ME2: variants seen among roughly 807,000 people sequenced by gnomAD.
ME2 encodes the protein NAD-dependent malic enzyme, mitochondrial.
A neutral mutation model predicts 73.7 loss-of-function variants in ME2; 60 were observed. The ratio of observed to expected loss-of-function variants is 0.81; its 90% CI spans 0.66 to 1.01. The LOEUF (loss-of-function observed/expected upper bound fraction) is 1.01, where lower values mean the gene tolerates loss of function less well. ME2 is among the 50% of genes least tolerant of loss of function. The pLI, the probability that ME2 is intolerant of heterozygous loss-of-function variation, is 0.00. For missense variants in ME2, 594 were observed against 705.5 expected (o/e 0.84, Z 1.79); for synonymous variants, 199 against 236.9 (o/e 0.84, Z 1.47).
intron 2 of ME2, among the ~76,000 whole-genome samples, chr18:50,899,525 G>C (rs748812860): frequency 6.6e-6 from 1 of 152,170 alleles, no homozygotes; most frequent in Non-Finnish European, 1.5e-5. Flanking sequence ...GCTGAGGTGG[G>C]AGGATCACTT....
intron 1 of ME2, among the ~76,000 whole-genome samples, chr18:50,879,775 A>G (rs1178930741): frequency 2.0e-5 from 3 of 152,184 alleles, no homozygotes; most frequent in Admixed American, 6.5e-5. Context: ...TCCTCCCTTT[A>G]AAAAAAGACT....
At chr18:50,911,673 G>C (rs546805585) in intron 3 of ME2, among the ~76,000 whole-genome samples, 203 of 152,288 alleles carry the variant, frequency 1.3e-3, no homozygotes, top group African/African-American at 2.1e-3. Context: ...GAGAGTGCAG[G>C]CAAATGGTGC....
chr18:50,937,753 TGA>T (rs1917850793), intron 13 of ME2, among the ~76,000 whole-genome samples: 1 of 151,824 alleles, frequency 6.6e-6, no homozygotes, highest in Non-Finnish European at 1.5e-5. Flanking sequence ...AAGAAAAAGA[TGA>T]GTTAAGTCAC....
intron 15 of ME2, chr18:50,942,819 T>C (rs1390845780): frequency 2.8e-5 from 7 of 251,698 alleles, no homozygotes; most frequent in Non-Finnish European, 5.2e-5. Context: ...ATTTTAATAG[T>C]TTTTCATTTC....
At chr18:50,934,196 A>G (rs911255662) in intron 13 of ME2, 6 of 152,198 alleles carry the variant, frequency 3.9e-5, no homozygotes, top group Non-Finnish European at 5.9e-5. Context: ...TATATACCCA[A>G]TAATAGGATT....
intron 10 of ME2, among the ~76,000 whole-genome samples, chr18:50,921,729 A>C (rs1326106540): frequency 6.6e-6 from 1 of 152,144 alleles, no homozygotes; most frequent in Non-Finnish European, 1.5e-5. Context: ...CCGTGAGCAG[A>C]AATTCTTAAC....
chr18:50,895,763 T>A (rs1368178481), intron 1 of ME2, 46 bp from the exon 2 acceptor site: 4 of 1,227,728 alleles, frequency 3.3e-6, no homozygotes, highest in Non-Finnish European at 4.8e-6. Context: ...CATGAAGGCC[T>A]ATAATATGAT....
At chr18:50,901,480 C>T (rs1916888237) in intron 2 of ME2, among the ~76,000 whole-genome samples, 1 of 152,090 alleles carries the variant, frequency 6.6e-6, no homozygotes, top group Non-Finnish European at 1.5e-5. Flanking sequence ...TTGGTTGAAT[C>T]AGAGAGATGA....
At chr18:50,925,340 G>T (rs540626978) in intron 11 of ME2, among the ~76,000 whole-genome samples, 1 of 152,054 alleles carries the variant, frequency 6.6e-6, no homozygotes, top group Non-Finnish European at 1.5e-5. Flanking sequence ...TTAGCCGGGC[G>T]TGGTGGCACA....
chr18:50,949,560 T>C lies in ME2; in HGVS notation c.*2376T>C, dbSNP rs1358744562. The C allele has an allele frequency of 6.6e-6, 1 of 152,218 alleles. No individual in the cohort carries two copies. The highest frequency in any genetic ancestry group is 1.5e-5 in the Non-Finnish European group (1 of 68,044). The allele number at this position is 152,218 out of a possible 1,614,324, so 9.4% of individuals were successfully genotyped here. A position where few individuals can be genotyped will look rare whatever the true frequency, so the allele number is the denominator to read the frequency against. ...CAAAATCACGCCTAAACATACTCTC[T>C]GTGTGAAATCTTGATTTTAGTTCAA... On this transcript the variant is annotated 3_prime_UTR_variant, in exon 16 of 16. Transcript: ENST00000321341.
chr18:50,939,498 C>G (rs1305790200), intron 13 of ME2, 72 bp from the exon 14 acceptor site: 1 of 1,035,066 alleles, frequency 9.7e-7, no homozygotes, highest in African/African-American at 1.6e-5. Context: ...ATTTATTTGC[C>G]TGAATATAGG....
chr18:50,912,140 CAG>C (rs773496447), intron 3 of ME2, among the ~76,000 whole-genome samples: 3 of 152,118 alleles, frequency 2.0e-5, no homozygotes, highest in Non-Finnish European at 4.4e-5. Context: ...GAAACAAGGT[CAG>C]GGGAAAGATA....
intron 3 of ME2, among the ~76,000 whole-genome samples, chr18:50,910,268 CAAAAA>C (rs74176794): frequency 1.1e-4 from 4 of 35,290 alleles, no homozygotes; most frequent in East Asian, 1.0e-3. Flanking sequence ...CCTGTTTCTA[CAAAAA>C]AAAAAAAAAA....
Position 50,903,137 on chromosome 18 carries a change from G to A in ME2, c.109-4926G>A, listed in dbSNP as rs969293064. Among the ~76,000 whole-genome samples the A allele has an allele frequency of 9.2e-5, 14 of 152,280 alleles. No homozygotes were observed. The East Asian group carries it at 2.7e-3, about 29-fold the overall frequency. On this transcript the variant is annotated intron_variant, in intron 2 of 15. Coordinates refer to ENST00000321341, the MANE Select transcript of ME2 (RefSeq NM_002396.5). ...AGGGAGACTTGGGAAAAGTGGCAAAGGGAGATGGAGAAAGTAGGAGAAGAG... is the reference window on the plus strand; with the variant it reads ...AGGGAGACTTGGGAAAAGTGGCAAAAGGAGATGGAGAAAGTAGGAGAAGAG...
At position 50,920,466 on chromosome 18, in the gene ME2, A is replaced by G; in HGVS notation, c.745A>G (p.Asn249Asp). 6.3e-7 allele frequency: 1 copy of G among 1,597,052 alleles called. No individual in the cohort carries two copies. The highest frequency in any genetic ancestry group is 8.5e-7 in the Non-Finnish European group (1 of 1,175,766). Residue 249 changes from asparagine (N) to aspartate (D), a missense_variant, in exon 8 of 16, where the codon AAC becomes GAC. Coordinates refer to ENST00000321341, the MANE Select transcript of ME2 (RefSeq NM_002396.5). ...MKAITDRYGR[N>D]TLIQFEDFGN... is the part of the protein sequence containing the mutation. ...TTTTGCTGTTTTTAGATATGGCCGG[A>G]ACACACTCATTCAGTTCGAAGACTT...
chr18:50,929,575 A>G (rs584788), intron 12 of ME2, among the ~76,000 whole-genome samples: 150,267 of 152,178 alleles, frequency 0.99, 74,201 homozygotes, highest in East Asian at 1. Flanking sequence ...TGACCACTCC[A>G]TTAGTCAAAA....
chr18:50,928,060 C>T (rs1466584915), intron 12 of ME2, among the ~76,000 whole-genome samples: 1 of 151,762 alleles, frequency 6.6e-6, no homozygotes, highest in African/African-American at 2.4e-5. Flanking sequence ...CTCAAGTGAT[C>T]CCCTGCCTCA....
intron 1 of ME2, among the ~76,000 whole-genome samples, chr18:50,881,237 A>G (rs1916313545): frequency 2.0e-5 from 3 of 151,954 alleles, no homozygotes; most frequent in South Asian, 2.1e-4. Context: ...GGGTTTCACC[A>G]TGTTTTTCAG....
chr18:50,886,843 A>G (rs2144181687), intron 1 of ME2, among the ~76,000 whole-genome samples: 1 of 152,200 alleles, frequency 6.6e-6, no homozygotes, highest in East Asian at 1.9e-4. Flanking sequence ...TCTACCAAAA[A>G]TACAAAAAAT....
Sources: allele counts gnomAD v4.1 joint callset (sites outside exome capture counted in the v4.1 genomes callset), GRCh38; gene constraint gnomAD v4.1.1; transcripts MANE v1.5; gene names NCBI Gene and HGNC (gene_info 2026-07-23, HGNC 2026-07-21).